The following TES variants were observed in gnomAD, a reference collection of about 807,000 sequenced individuals.
TES encodes the protein testin.
A neutral mutation model predicts 48.2 loss-of-function variants in TES; 41 were observed. The observed-to-expected ratio is 0.85, with a 90% confidence interval of 0.66 to 1.10. The LOEUF is 1.10. Among genes scored for constraint, TES ranks in the 50% least tolerant of loss-of-function variants. TES has a pLI of 0.00. For synonymous variants in TES, 162 were observed against 174.9 expected (o/e 0.93, Z 0.58); for missense variants, 463 against 515.1 (o/e 0.90, Z 0.98).
chr7:116,249,347 C>G, intron 3 of TES, 75 bp downstream of exon 3: 2 of 1,542,698 alleles, frequency 1.3e-6, no homozygotes, highest in Non-Finnish European at 1.8e-6. Flanking sequence ...CTTTGATGAC[C>G]TAATCAACTT....
rs193121087 is a variant in TES, at chr7:116,226,352, G to T, written c.28-8182G>T. On this transcript the variant is annotated intron_variant, in intron 1 of 6. Coordinates refer to ENST00000358204, the MANE Select transcript of TES (RefSeq NM_015641.4). ...AATTTGTGCCAAGGGGATAGTTAAA[G>T]AAAGGTATCACAGAGTTACTGACAT... 3.9e-5 allele frequency among the ~76,000 whole-genome samples: 6 copies of T among 152,270 alleles called. No individual in the cohort carries two copies. In the East Asian group the frequency reaches 1.2e-3, roughly 29 times the overall value.
In TES at chr7:116,252,282, T is replaced by C. The variant is rs185732441; in HGVS notation, c.919-36T>C. 4.5e-5 allele frequency: 71 copies of C among 1,572,486 alleles called. 1 individual carries two copies. The East Asian group carries it at 1.4e-3, about 31-fold the overall frequency. On this transcript the variant is annotated intron_variant, in intron 5 of 6. Transcript: ENST00000358204. ...TGTTACAGATATAAATCTCTTATTA[T>C]ATAAAAATCCATCTTTATTTTTATC... is the stretch of plus-strand genomic sequence containing the variant.
At chr7:116,217,488 A>C (rs1412664034) in intron 1 of TES, among the ~76,000 whole-genome samples, 28 of 152,148 alleles carry the variant, frequency 1.8e-4, no homozygotes, top group Admixed American at 1.8e-3. Flanking sequence ...ATGGTAACCA[A>C]AATTATGATT....
intron 1 of TES, among the ~76,000 whole-genome samples, chr7:116,232,694 T>G (rs970031622): frequency 6.6e-6 from 1 of 152,172 alleles, no homozygotes; most frequent in Non-Finnish European, 1.5e-5. Flanking sequence ...GTGTGAACTG[T>G]GATCATCAGT....
chr7:116,228,607 T>G (rs957242814), intron 1 of TES, among the ~76,000 whole-genome samples: 2 of 152,208 alleles, frequency 1.3e-5, no homozygotes, highest in East Asian at 3.8e-4. Context: ...CATTCACAGC[T>G]TAAGTCTTTT....
In TES at chr7:116,251,875, A is replaced by G; in HGVS notation, c.818A>G (p.Glu273Gly). 1 of 1,614,128 alleles carries G rather than the reference A, an allele frequency of 6.2e-7. No individual in the cohort carries two copies. The highest frequency in any genetic ancestry group is 8.5e-7 in the Non-Finnish European group (1 of 1,180,028). Reference sequence around the variant, plus strand: ...TGTTTTGTCTGCAGCACCTGCCATGAACTCCTGGTTGACATGATTTATTTT... The same window carrying G: ...TGTTTTGTCTGCAGCACCTGCCATGGACTCCTGGTTGACATGATTTATTTT... ...PACFVCSTCH[E>G]LLVDMIYFWK... The change falls in exon 5 of 7, where the codon GAA becomes GGA. Residue 273 changes from glutamate (E) to glycine (G), a missense_variant. Coordinates refer to ENST00000358204, the MANE Select transcript of TES (RefSeq NM_015641.4).
At chr7:116,218,069 A>G in intron 1 of TES, 1 of 405,372 alleles carries the variant, frequency 2.5e-6, no homozygotes, top group Middle Eastern at 3.6e-4. Context: ...GCATGGCTTA[A>G]AGTGGGAGAG....
chr7:116,218,200 T>C (rs1799516234), intron 1 of TES, among the ~76,000 whole-genome samples: 1 of 152,128 alleles, frequency 6.6e-6, no homozygotes, highest in Non-Finnish European at 1.5e-5. Context: ...CCATGAGTGA[T>C]TCAGCTTGTG....
intron 1 of TES, 147 bp downstream of exon 1, chr7:116,210,881 CCTGGCCCCCTGG>C: frequency 1.6e-6 from 1 of 638,036 alleles, no homozygotes; most frequent in Non-Finnish European, 2.2e-6. Flanking sequence ...GGCCCAGGGA[CCTGGCCCCCTGG>C]GTAGAGGAGG....
At chr7:116,240,889 A>C (rs1256608070) in intron 2 of TES, among the ~76,000 whole-genome samples, 1 of 152,230 alleles carries the variant, frequency 6.6e-6, no homozygotes, top group Non-Finnish European at 1.5e-5. Context: ...ATATCATCAG[A>C]AGTTACTTAT....
chr7:116,228,247 A>G (rs1008959196), intron 1 of TES, among the ~76,000 whole-genome samples: 1 of 151,910 alleles, frequency 6.6e-6, no homozygotes, highest in South Asian at 2.1e-4. Flanking sequence ...CTTAAGACCT[A>G]TTTGTCTATG....
At chr7:116,235,435 C>A (rs887870529) in intron 2 of TES, among the ~76,000 whole-genome samples, 5 of 152,088 alleles carry the variant, frequency 3.3e-5, no homozygotes, top group Non-Finnish European at 7.4e-5. Flanking sequence ...ACCATTGAAA[C>A]ACTTGAATTT....
chr7:116,241,775 G>T (rs1333614531), intron 2 of TES, among the ~76,000 whole-genome samples: 1 of 152,100 alleles, frequency 6.6e-6, no homozygotes, highest in African/African-American at 2.4e-5. Flanking sequence ...ATGTTGGGTG[G>T]TTAAAGGCAT....
At chr7:116,248,391 T>C (rs1251566694) in intron 2 of TES, among the ~76,000 whole-genome samples, 1 of 152,236 alleles carries the variant, frequency 6.6e-6, no homozygotes, top group East Asian at 1.9e-4. Context: ...CCACAGTGGC[T>C]GAACTAATTT....
At chr7:116,218,059 G>A (rs748234648) in intron 1 of TES, 1 of 417,710 alleles carries the variant, frequency 2.4e-6, no homozygotes, top group South Asian at 1.7e-5. Context: ...TCAGATTTGA[G>A]CATGGCTTAA....
At position 116,252,335 on chromosome 7, in the gene TES, G is replaced by A; in HGVS notation, c.936G>A (p.Glu312=). Residue 312 remains glutamate (E), a synonymous_variant, in exon 6 of 7, where the codon GAG becomes GAA. Coordinates refer to ENST00000358204, the MANE Select transcript of TES (RefSeq NM_015641.4). ...CTTCCTAGCTGATATTCAGCAATGA[G>A]TATACCCAGGCAGAAAACCAGAATT... is the stretch of plus-strand genomic sequence containing the variant. The part of the protein sequence containing the change: ...AGCDELIFSN[E]YTQAENQNWH... The A allele has an allele frequency of 6.2e-7, 1 of 1,613,132 alleles. No homozygotes were observed. The highest frequency in any genetic ancestry group is 8.5e-7 in the Non-Finnish European group (1 of 1,179,156).
intron 1 of TES, 86 bp from the exon 2 acceptor site, chr7:116,234,448 G>A: frequency 2.6e-6 from 3 of 1,134,926 alleles, no homozygotes; most frequent in East Asian, 2.4e-5. Flanking sequence ...AACACAAGTG[G>A]TAAGTGGAAT....
intron 1 of TES, among the ~76,000 whole-genome samples, chr7:116,214,787 A>C (rs981521492): frequency 1.3e-5 from 2 of 152,090 alleles, no homozygotes; most frequent in Admixed American, 6.5e-5. Context: ...TTGCTTGTGC[A>C]TGCCCATACT....
At chr7:116,234,497 A>G (rs745316415) in intron 1 of TES, 37 bp from the exon 2 acceptor site, 18 of 1,556,860 alleles carry the variant, frequency 1.2e-5, no homozygotes, top group Non-Finnish European at 1.4e-5. Flanking sequence ...TTTGTAAAGA[A>G]TCTAATAACA....
Sources: allele counts gnomAD v4.1 joint callset (sites outside exome capture counted in the v4.1 genomes callset), GRCh38; gene constraint gnomAD v4.1.1; transcripts MANE v1.5; gene names NCBI Gene and HGNC (gene_info 2026-07-23, HGNC 2026-07-21).